The following MYO1B variants were observed in gnomAD, a reference collection of about 807,000 sequenced individuals.
MYO1B encodes the protein unconventional myosin-Ib.
Under a neutral mutation model 159.7 loss-of-function variants are expected in MYO1B, and 72 were observed. The ratio of observed to expected loss-of-function variants is 0.45; its 90% CI spans 0.37 to 0.55. The LOEUF (loss-of-function observed/expected upper bound fraction) is 0.55. MYO1B is among the 20% of genes least tolerant of loss of function. MYO1B has a pLI of 0.00. For synonymous variants in MYO1B, 468 were observed against 473.8 expected, an observed-to-expected ratio of 0.99 and a Z score of 0.16; for missense variants, 1,062 against 1,364.8, an observed-to-expected ratio of 0.78 and a Z score of 3.50.
At chr2:191,412,895 C>T (rs1226812243) in intron 27 of MYO1B, among the ~76,000 whole-genome samples, 2 of 152,060 alleles carry the variant, frequency 1.3e-5, no homozygotes, top group Admixed American at 6.6e-5. Context: ...TACTTCTGTC[C>T]ATTTAGAGGC....
chr2:191,333,368 A>T, intron 4 of MYO1B, among the ~76,000 whole-genome samples: 1 of 152,138 alleles, frequency 6.6e-6, no homozygotes, highest in East Asian at 1.9e-4. Context: ...TTACCCTCTT[A>T]TAACCAATCT....
intron 3 of MYO1B, among the ~76,000 whole-genome samples, chr2:191,314,832 A>C (rs766648731): frequency 3.3e-5 from 5 of 152,212 alleles, no homozygotes; most frequent in Non-Finnish European, 7.3e-5. Flanking sequence ...TTCGCAGGTG[A>C]GATGGGGAAG....
rs1022597839 is a variant in MYO1B, at chr2:191,424,727, C to T, written c.*767C>T. 20 of 152,332 alleles carry T rather than the reference C, an allele frequency of 1.3e-4. No individual in the cohort carries two copies. Among genetic ancestry groups the T allele is most frequent in the African/African-American group, 4.6e-4 (19 of 41,524 alleles). The allele number at this position is 152,332 out of a possible 1,614,324, so 9.4% of individuals were successfully genotyped here. A position where few individuals can be genotyped will look rare whatever the true frequency, so the allele number is the denominator to read the frequency against. On this transcript the variant is annotated 3_prime_UTR_variant, in exon 31 of 31. Coordinates refer to ENST00000392318, the MANE Select transcript of MYO1B (RefSeq NM_001130158.3). ...TTTAGAAAAAGTGACAGAAGCAGTC[C>T]AGTAAGATTATATGTTTCTGTTTCT...
At position 191,362,343 on chromosome 2, in the gene MYO1B, A is replaced by T. The variant is rs756490281; in HGVS notation, c.737A>T (p.Asp246Val). 1 of 1,613,858 alleles carries T rather than the reference A, an allele frequency of 6.2e-7. No individual in the cohort carries two copies. Among genetic ancestry groups the T allele is most frequent in the Admixed American group, 1.7e-5 (1 of 60,018 alleles). ...SLDSAKVNGVDDAANFRTVRN... is the reference protein window; with the variant it reads ...SLDSAKVNGVVDAANFRTVRN... ...GATTCGGCCAAAGTGAATGGAGTGG[A>T]TGATGCAGCAAATTTTAGAACCGTG... Residue 246 changes from aspartate to valine, a missense_variant, in exon 9 of 31, where the codon GAT becomes GTT. Asp to Val is a radical substitution (Grantham distance 152). This residue lies in a region of MYO1B where 415 missense variants were observed against 544.0 expected (regional missense o/e 0.76). Transcript: ENST00000392318.
rs1187146690 is a variant in MYO1B at position 191,411,188 on chromosome 2, T to G, written c.2873+16T>G. 2 of 1,481,832 alleles carry G rather than the reference T, an allele frequency of 1.3e-6. No homozygotes were observed. The highest frequency in any genetic ancestry group is 1.4e-5 in the African/African-American group (1 of 70,024). The allele number at this position is 1,481,832 out of a possible 1,614,324, so 91.8% of individuals were successfully genotyped here. On this transcript the variant is annotated intron_variant, in intron 27 of 30. Transcript: ENST00000392318. ...ACCCATCTAGGTATTATGGCTTTGC[T>G]TTACCCATAAAATTCAGGATTATAA...
chr2:191,323,562 CGTG>C, intron 3 of MYO1B, among the ~76,000 whole-genome samples: 1 of 152,056 alleles, frequency 6.6e-6, no homozygotes, highest in Non-Finnish European at 1.5e-5. Context: ...AAATGTGAAA[CGTG>C]GTATATGTTG....
At chr2:191,373,379 G>T (rs1046929832) in intron 13 of MYO1B, among the ~76,000 whole-genome samples, 11 of 152,274 alleles carry the variant, frequency 7.2e-5, no homozygotes, top group South Asian at 6.2e-4. Flanking sequence ...GAGACCAAAT[G>T]CTCTGTTAGA....
chr2:191,256,240 A>T (rs1686437670), intron 1 of MYO1B, among the ~76,000 whole-genome samples: 1 of 151,798 alleles, frequency 6.6e-6, no homozygotes, highest in Non-Finnish European at 1.5e-5. Flanking sequence ...TTGAAACTTG[A>T]CTCTTCTCCT....
intron 6 of MYO1B, among the ~76,000 whole-genome samples, chr2:191,349,872 A>G (rs1192430000): frequency 6.6e-6 from 1 of 152,230 alleles, no homozygotes; most frequent in Non-Finnish European, 1.5e-5. Flanking sequence ...TTGAGTACAT[A>G]TCCTCCAGAA....
intron 1 of MYO1B, among the ~76,000 whole-genome samples, chr2:191,259,977 G>C (rs528355164): frequency 6.6e-6 from 1 of 152,226 alleles, no homozygotes; most frequent in African/African-American, 2.4e-5. Flanking sequence ...GCTACGTGTG[G>C]TGGAAGCTGT....
chr2:191,374,883 A>G (rs1489118037), intron 13 of MYO1B, among the ~76,000 whole-genome samples: 1 of 152,228 alleles, frequency 6.6e-6, no homozygotes, highest in Non-Finnish European at 1.5e-5. Context: ...TATTTATAGC[A>G]TATCCATAAA....
chr2:191,259,830 C>T (rs929730198), intron 1 of MYO1B, among the ~76,000 whole-genome samples: 7 of 152,058 alleles, frequency 4.6e-5, no homozygotes, highest in African/African-American at 1.7e-4. Flanking sequence ...TTTGCATAGA[C>T]AGGGCCACAA....
intron 7 of MYO1B, 24 bp downstream of exon 7, chr2:191,350,249 G>A (rs761253487): frequency 6.4e-7 from 1 of 1,566,910 alleles, no homozygotes; most frequent in Admixed American, 1.7e-5. Flanking sequence ...TTCAGTCCTT[G>A]TAAAGAAGTT....
intron 24 of MYO1B, 32 bp from the exon 25 acceptor site, chr2:191,408,083 T>G (rs1697037244): frequency 6.7e-7 from 1 of 1,493,908 alleles, no homozygotes; most frequent in Non-Finnish European, 9.3e-7. Context: ...AGCCACACAT[T>G]AACCACTGTA....
intron 13 of MYO1B, among the ~76,000 whole-genome samples, chr2:191,373,832 A>G (rs1362663851): frequency 1.3e-5 from 2 of 152,124 alleles, no homozygotes; most frequent in East Asian, 3.9e-4. Flanking sequence ...TGCAGTAAAT[A>G]ATTTTTCTTT....
intron 18 of MYO1B, 44 bp from the exon 19 acceptor site, chr2:191,392,064 T>A: frequency 1.4e-6 from 2 of 1,460,180 alleles, no homozygotes; most frequent in Non-Finnish European, 1.9e-6. Context: ...TAAAACTATT[T>A]TTGTAACTCA....
At chr2:191,333,773 T>C (rs1691645393) in intron 4 of MYO1B, among the ~76,000 whole-genome samples, 2 of 152,208 alleles carry the variant, frequency 1.3e-5, no homozygotes, top group Admixed American at 1.3e-4. Context: ...CATGGGCATC[T>C]TGAGAAAATG....
chr2:191,414,414 T>C (rs1697437002), intron 28 of MYO1B, 103 bp from the exon 29 acceptor site: 1 of 1,145,440 alleles, frequency 8.7e-7, no homozygotes, highest in Admixed American at 3.0e-5. Flanking sequence ...TAGGTATGTT[T>C]GTTGAAGGAT....
chr2:191,400,623 G>A, intron 22 of MYO1B, 126 bp from the exon 23 acceptor site: 2 of 1,315,818 alleles, frequency 1.5e-6, no homozygotes, highest in African/African-American at 1.5e-5. Context: ...GTGGGGTGGT[G>A]GCACATGCTT....
Sources: allele counts gnomAD v4.1 joint callset (sites outside exome capture counted in the v4.1 genomes callset), GRCh38; gene constraint gnomAD v4.1.1; regional missense constraint gnomAD v4.1.1; transcripts MANE v1.5; gene names NCBI Gene and HGNC (gene_info 2026-07-23, HGNC 2026-07-21).